Variants in DACH2 observed in about 807,000 individuals in gnomAD.
The protein encoded by DACH2 is dachshund family transcription factor 2.
A neutral mutation model predicts 35.8 loss-of-function variants in DACH2; 17 were observed. The ratio of observed to expected loss-of-function variants is 0.48; its 90% confidence interval spans 0.33 to 0.71. The LOEUF (loss-of-function observed/expected upper bound fraction) is 0.71. Among genes scored for constraint, DACH2 ranks in the 30% least tolerant of loss-of-function variants. The probability of loss-of-function intolerance (pLI) is 0.02; values close to 1 mark genes in which losing one functional copy is unlikely to be tolerated. For synonymous variants in DACH2, 195 were observed against 177.3 expected, an observed-to-expected ratio of 1.10 and a Z score of -0.79; for missense variants, 469 against 472.7, an observed-to-expected ratio of 0.99 and a Z score of 0.07.
chrX:86,659,748 A>G (rs748511959), intron 4 of DACH2, among the ~76,000 whole-genome samples: 1 of 111,946 alleles, frequency 8.9e-6, no homozygotes, highest in African/African-American at 3.2e-5. Flanking sequence ...TCAAACAAGC[A>G]TCCTCTCTTT....
chrX:86,182,494 GT>G (rs2031528451), intron 1 of DACH2, among the ~76,000 whole-genome samples: 1 of 111,699 alleles, frequency 9.0e-6, no homozygotes, highest in Non-Finnish European at 1.9e-5. Context: ...TCAGATGGCT[GT>G]AGATGTGTGG....
At chrX:86,235,228 A>T (rs1448418924) in intron 1 of DACH2, among the ~76,000 whole-genome samples, 1 of 111,800 alleles carries the variant, frequency 8.9e-6, no homozygotes, top group Non-Finnish European at 1.9e-5. Flanking sequence ...TGTCAAGGGT[A>T]CATACTATCA....
At chrX:86,399,370 A>G (rs894435221) in intron 2 of DACH2, among the ~76,000 whole-genome samples, 1 of 111,874 alleles carries the variant, frequency 8.9e-6, no homozygotes, top group African/African-American at 3.3e-5. Context: ...TGGAGCATTT[A>G]GCCCATTTAC....
chrX:86,476,471 C>T (rs1226554884), intron 2 of DACH2, among the ~76,000 whole-genome samples: 1 of 111,713 alleles, frequency 9.0e-6, no homozygotes, highest in Non-Finnish European at 1.9e-5. Flanking sequence ...ATCCTTTGAA[C>T]TTCTGCAGTA....
chrX:86,635,341 A>C (rs1028066345), intron 3 of DACH2, among the ~76,000 whole-genome samples: 5 of 109,299 alleles, frequency 4.6e-5, no homozygotes, highest in Admixed American at 9.8e-5. Context: ...AAAAAAAAAA[A>C]AAAAAACCTC....
chrX:86,319,081 T>A (rs2034968665), intron 1 of DACH2, among the ~76,000 whole-genome samples: 1 of 112,230 alleles, frequency 8.9e-6, no homozygotes, highest in Admixed American at 9.5e-5. Flanking sequence ...GATTTTTACA[T>A]ACCTGTTATA....
chrX:86,827,704 G>C, intron 11 of DACH2: 1 of 1,041,447 alleles, frequency 9.6e-7, no homozygotes, highest in East Asian at 3.3e-5. Flanking sequence ...GCATTGAGTA[G>C]ATTTTGAATT....
intron 2 of DACH2, among the ~76,000 whole-genome samples, chrX:86,399,898 T>A (rs2036388427): frequency 9.0e-6 from 1 of 111,586 alleles, no homozygotes; most frequent in Non-Finnish European, 1.9e-5. Context: ...TGTGGCGTTC[T>A]CTGTGTTTCC....
intron 3 of DACH2, among the ~76,000 whole-genome samples, chrX:86,515,334 AT>A (rs745365583): frequency 3.6e-5 from 4 of 110,632 alleles, no homozygotes; most frequent in Non-Finnish European, 5.7e-5. Flanking sequence ...AAGTTGGGTA[AT>A]ACTCCATAAG....
intron 3 of DACH2, among the ~76,000 whole-genome samples, chrX:86,517,417 C>CTT (rs761844006): frequency 4.3e-4 from 41 of 95,685 alleles, no homozygotes; most frequent in Middle Eastern, 5.2e-3. Context: ...CCTTTGCCCA[C>CTT]TTTTTTTTTT....
intron 4 of DACH2, among the ~76,000 whole-genome samples, chrX:86,669,106 A>T (rs1317948847): frequency 1.8e-5 from 2 of 111,557 alleles, no homozygotes; most frequent in Non-Finnish European, 3.8e-5. Flanking sequence ...GTCACTGAAG[A>T]CTTACTAATA....
intron 1 of DACH2, among the ~76,000 whole-genome samples, chrX:86,332,076 A>G (rs755686872): frequency 9.0e-6 from 1 of 111,490 alleles, no homozygotes; most frequent in Non-Finnish European, 1.9e-5. Flanking sequence ...ATAGTGACTG[A>G]GGTTTCATTA....
chrX:86,778,470 A>T (rs894946169), intron 7 of DACH2, among the ~76,000 whole-genome samples: 6 of 112,030 alleles, frequency 5.4e-5, no homozygotes, highest in African/African-American at 1.9e-4. Flanking sequence ...AATGTTAGGT[A>T]GTAATAAAAC....
intron 2 of DACH2, among the ~76,000 whole-genome samples, chrX:86,386,313 C>T (rs996892180): frequency 9.0e-6 from 1 of 111,113 alleles, no homozygotes; most frequent in African/African-American, 3.3e-5. Context: ...AGGCAAAATG[C>T]CATTTTCATC....
At chrX:86,776,990 T>A (rs376927935) in intron 7 of DACH2, among the ~76,000 whole-genome samples, 1 of 111,911 alleles carries the variant, frequency 8.9e-6, no homozygotes, top group Non-Finnish European at 1.9e-5. Context: ...TCTATCATTG[T>A]TGGACATTTG....
At chrX:86,701,188 C>T (rs1429138417) in intron 5 of DACH2, among the ~76,000 whole-genome samples, 4 of 111,382 alleles carry the variant, frequency 3.6e-5, no homozygotes, top group Non-Finnish European at 7.5e-5. Context: ...TTATCCCTGG[C>T]ATCCAAGACT....
chrX:86,148,498 C>G lies in DACH2; in HGVS notation c.-123C>G. The G allele has an allele frequency of 7.3e-6, 6 of 821,502 alleles. No homozygotes were observed. The highest frequency in any genetic ancestry group is 2.1e-5 in the African/African-American group (1 of 48,146). 67.7% of individuals were successfully genotyped at this position (821,502 alleles called of 1,213,427 possible). A position where few individuals can be genotyped will look rare whatever the true frequency, so the allele number is the denominator to read the frequency against. On this transcript the variant is annotated 5_prime_UTR_variant, in exon 1 of 12. Coordinates refer to ENST00000373125, the MANE Select transcript of DACH2 (RefSeq NM_053281.3). ...GAGCCGGCTGCTGAAGACTTGCGAA[C>G]AGTTCGGAGCCAGCGAGAGCGCGCC...
At chrX:86,426,805 C>T (rs1277889236) in intron 2 of DACH2, among the ~76,000 whole-genome samples, 1 of 111,423 alleles carries the variant, frequency 9.0e-6, no homozygotes, top group South Asian at 3.7e-4. Context: ...TTTCCATTTG[C>T]CTTTATTCAC....
At chrX:86,256,518 G>A (rs957920238) in intron 1 of DACH2, among the ~76,000 whole-genome samples, 3 of 111,381 alleles carry the variant, frequency 2.7e-5, no homozygotes, top group Non-Finnish European at 5.7e-5. Flanking sequence ...GTACACATGC[G>A]CGTGAGACTA....
Sources: allele counts gnomAD v4.1 joint callset (sites outside exome capture counted in the v4.1 genomes callset), GRCh38; gene constraint gnomAD v4.1.1; transcripts MANE v1.5; gene names NCBI Gene and HGNC (gene_info 2026-07-23, HGNC 2026-07-21).